Variants in CCDC102B observed in about 807,000 individuals in gnomAD.
CCDC102B encodes coiled-coil domain containing 102B, also known as coiled-coil domain-containing protein 102B.
In CCDC102B, 75 loss-of-function variants were observed where a neutral mutation model predicts 57.4. The observed-to-expected ratio is 1.31, with a 90% CI of 1.08 to 1.58. CCDC102B has a LOEUF of 1.58. Ranked by LOEUF, CCDC102B falls within the 40% of genes most tolerant of loss-of-function variation. The pLI, the probability that CCDC102B is intolerant of heterozygous loss-of-function variation, is 0.00. For synonymous variants in CCDC102B, 206 were observed against 201.9 expected (o/e 1.02, Z -0.17); for missense variants, 636 against 582.6 (o/e 1.09, Z -0.94).
At chr18:68,984,914 A>G (rs1335600679) in intron 6 of CCDC102B, among the ~76,000 whole-genome samples, 1 of 152,174 alleles carries the variant, frequency 6.6e-6, no homozygotes, top group Admixed American at 6.6e-5. Flanking sequence ...GGATGTAAAG[A>G]CCATCTAGAT....
intron 1 of CCDC102B, among the ~76,000 whole-genome samples, chr18:68,801,397 G>A (rs755948210): frequency 6.6e-6 from 1 of 151,974 alleles, no homozygotes; most frequent in Non-Finnish European, 1.5e-5. Flanking sequence ...GCTTTGCAAA[G>A]GACTGTTAAC....
chr18:68,870,048 T>A (rs1390752939), intron 4 of CCDC102B, among the ~76,000 whole-genome samples: 1 of 152,140 alleles, frequency 6.6e-6, no homozygotes, highest in Non-Finnish European at 1.5e-5. Flanking sequence ...TGTGGCCTTA[T>A]TTCTGAGGCC....
intron 6 of CCDC102B, among the ~76,000 whole-genome samples, chr18:68,934,262 C>T (rs7506496): frequency 0.27 from 41,323 of 151,790 alleles, 7,124 homozygotes; most frequent in East Asian, 0.65. Context: ...GAAGATTCAT[C>T]TTGGGGAGTT....
intron 6 of CCDC102B, among the ~76,000 whole-genome samples, chr18:68,954,480 A>C (rs1328085693): frequency 6.6e-6 from 1 of 152,200 alleles, no homozygotes; most frequent in Non-Finnish European, 1.5e-5. Flanking sequence ...GATCTATTAC[A>C]TGATTTTTCT....
intron 2 of CCDC102B, among the ~76,000 whole-genome samples, chr18:68,764,982 G>A (rs990897197): frequency 1.3e-5 from 2 of 151,650 alleles, no homozygotes; most frequent in African/African-American, 4.8e-5. Flanking sequence ...AGGAGTTCGA[G>A]GCTGCAGTGA....
chr18:68,987,964 G>A (rs896414610), intron 6 of CCDC102B, among the ~76,000 whole-genome samples: 2 of 152,178 alleles, frequency 1.3e-5, no homozygotes, highest in African/African-American at 2.4e-5. Flanking sequence ...AATTAGTTCA[G>A]CCGCTGTGGA....
downstream of CCDC102B, among the ~76,000 whole-genome samples, chr18:69,056,636 A>AATAGATAGATAGACGGATAGATAG (rs2052820126): frequency 8.2e-6 from 1 of 121,918 alleles, no homozygotes; most frequent in Non-Finnish European, 1.9e-5. Context: ...ATAGATAGAT[A>AATAGATAGATAGACGGATAGATAG]ATAGATAGAT....
intron 7 of CCDC102B, among the ~76,000 whole-genome samples, chr18:69,033,741 ACT>A (rs1474880823): frequency 6.6e-6 from 1 of 151,790 alleles, no homozygotes; most frequent in African/African-American, 2.4e-5. Context: ...TCATATGGTA[ACT>A]CTATGTCTAA....
intron 7 of CCDC102B, among the ~76,000 whole-genome samples, chr18:69,032,366 T>A (rs2052170034): frequency 6.6e-6 from 1 of 152,222 alleles, no homozygotes; most frequent in Admixed American, 6.5e-5. Context: ...ATACAAGTGC[T>A]GTTGTCATGA....
chr18:68,978,151 G>T (rs958515729), intron 6 of CCDC102B, among the ~76,000 whole-genome samples: 1 of 151,950 alleles, frequency 6.6e-6, no homozygotes, highest in Non-Finnish European at 1.5e-5. Flanking sequence ...TATTCTTCTC[G>T]AGTGAGCCCT....
intron 6 of CCDC102B, among the ~76,000 whole-genome samples, chr18:68,992,476 C>T (rs1174819841): frequency 1.3e-5 from 2 of 152,124 alleles, no homozygotes; most frequent in Admixed American, 6.6e-5. Context: ...ATGATCGAAT[C>T]GCCCGGAAGA....
chr18:68,877,656 G>T (rs1458494824), intron 5 of CCDC102B, among the ~76,000 whole-genome samples: 1 of 152,336 alleles, frequency 6.6e-6, no homozygotes, highest in African/African-American at 2.4e-5. Context: ...CCAGTGGAGA[G>T]AAATTTTCTG....
chr18:68,988,434 C>T (rs666498), intron 6 of CCDC102B, among the ~76,000 whole-genome samples: 27,382 of 151,762 alleles, frequency 0.18, 4,909 homozygotes, highest in African/African-American at 0.44. Context: ...CAAGGACCTA[C>T]TGAGTACTAT....
intron 7 of CCDC102B, among the ~76,000 whole-genome samples, chr18:69,023,760 A>G (rs2051912069): frequency 1.3e-5 from 2 of 151,978 alleles, no homozygotes; most frequent in African/African-American, 4.8e-5. Flanking sequence ...ATATATTATC[A>G]TATTATTTGC....
chr18:68,823,053 G>A (rs1391446210), intron 1 of CCDC102B, among the ~76,000 whole-genome samples: 42 of 152,108 alleles, frequency 2.8e-4, no homozygotes, highest in Non-Finnish European at 2.9e-5. Flanking sequence ...CTTCATTTCA[G>A]CCTTTGATTG....
At chr18:68,738,993 C>CTTATTT (rs1555695902) in intron 2 of CCDC102B, among the ~76,000 whole-genome samples, 44 of 145,012 alleles carry the variant, frequency 3.0e-4, no homozygotes, top group East Asian at 6.2e-4. Context: ...GATGAGCAGC[C>CTTATTT]TTTTGTTTTT....
At chr18:68,895,662 A>ACC (rs2040217200) in intron 5 of CCDC102B, among the ~76,000 whole-genome samples, 1 of 151,762 alleles carries the variant, frequency 6.6e-6, no homozygotes, top group African/African-American at 2.4e-5. Context: ...TGAGTAGTTG[A>ACC]CCCTCTTCTG....
intron 5 of CCDC102B, among the ~76,000 whole-genome samples, chr18:68,880,723 T>A (rs904751089): frequency 6.6e-6 from 1 of 152,264 alleles, no homozygotes; most frequent in African/African-American, 2.4e-5. Context: ...TCTCCTGCAT[T>A]TGAATATTTA....
At chr18:68,884,401 A>G (rs543094612) in intron 5 of CCDC102B, among the ~76,000 whole-genome samples, 27 of 152,272 alleles carry the variant, frequency 1.8e-4, no homozygotes, top group African/African-American at 6.5e-4. Flanking sequence ...ACTAACTGAA[A>G]TAAGCCAAAC....
Sources: allele counts gnomAD v4.1 joint callset (sites outside exome capture counted in the v4.1 genomes callset), GRCh38; gene constraint gnomAD v4.1.1; transcripts MANE v1.5; gene names NCBI Gene and HGNC (gene_info 2026-07-23, HGNC 2026-07-21).